TUSC3: variants seen among roughly 807,000 people sequenced by gnomAD.
The protein encoded by TUSC3 is tumor suppressor candidate 3, also known as dolichyl-diphosphooligosaccharide--protein glycosyltransferase subunit TUSC3.
In TUSC3, 45 loss-of-function variants were observed where a neutral mutation model predicts 44.8. The observed-to-expected ratio is 1.00, with a 90% confidence interval of 0.79 to 1.29. TUSC3 has a LOEUF of 1.29. Ranked by LOEUF, TUSC3 falls within the 50% of genes most tolerant of loss-of-function variation. The pLI is 0.00. For synonymous variants in TUSC3, 212 were observed against 152.9 expected (o/e 1.39, Z -2.85); for missense variants, 519 against 437.9 (o/e 1.19, Z -1.65).
rs1333478144 is a variant in TUSC3 at position 15,682,823 on chromosome 8, T to C, written c.798+8987T>C. ...TGTCTAGAACTTTCTTTTTTTTTTTTTGTAGCTGTTGTAAGGCCAGTCTTG... is the reference window on the plus strand; with the variant it reads ...TGTCTAGAACTTTCTTTTTTTTTTTCTGTAGCTGTTGTAAGGCCAGTCTTG... On this transcript the variant is annotated intron_variant, in intron 6 of 10. Transcript: ENST00000503731. Among the ~76,000 whole-genome samples the C allele has an allele frequency of 7.9e-5, 12 of 152,054 alleles. No individual in the cohort carries two copies. The East Asian group carries it at 1.4e-3, about 17-fold the overall frequency.
chr8:15,682,507 T>G (rs1112883), intron 6 of TUSC3, among the ~76,000 whole-genome samples: 9,407 of 152,206 alleles, frequency 0.062, 483 homozygotes, highest in African/African-American at 0.15. Context: ...GTTTTTCATT[T>G]GAGTGTTAGA....
rs532624873 is a variant in TUSC3 at position 15,624,345 on chromosome 8, G to A, written c.308+1096G>A. On this transcript the variant is annotated intron_variant, in intron 2 of 10. Coordinates refer to ENST00000503731, the MANE Select transcript of TUSC3 (RefSeq NM_006765.4). ...TGGGAAGAATGCCACAGAGTGTGGTGGTTAGGTTGTGTGGTAGTTTCTATT... is the reference window on the plus strand; with the variant it reads ...TGGGAAGAATGCCACAGAGTGTGGTAGTTAGGTTGTGTGGTAGTTTCTATT... Among the ~76,000 whole-genome samples the A allele has an allele frequency of 3.9e-4, 60 of 152,256 alleles. No individual in the cohort carries two copies. The Middle Eastern group carries it at 0.01, about 26-fold the overall frequency.
At chr8:15,639,019 C>T (rs1358338858) in intron 2 of TUSC3, among the ~76,000 whole-genome samples, 25 of 112,410 alleles carry the variant, frequency 2.2e-4, no homozygotes, top group African/African-American at 3.7e-4. Flanking sequence ...GATCATGTGT[C>T]GATGCTAGAT....
chr8:15,573,202 C>CTCTCTATATATATATATATA (rs1435847916), intron 1 of TUSC3, among the ~76,000 whole-genome samples: 1 of 74,204 alleles, frequency 1.3e-5, no homozygotes, highest in Non-Finnish European at 2.4e-5. Context: ...CTCTCTCTCT[C>CTCTCTATATATATATATATA]TATATATATA....
chr8:15,667,874 A>C (rs984900406), intron 5 of TUSC3, among the ~76,000 whole-genome samples: 1 of 151,802 alleles, frequency 6.6e-6, no homozygotes, highest in Non-Finnish European at 1.5e-5. Context: ...AGTGGGCGTG[A>C]ACATCTTGAC....
At chr8:15,742,155 G>A (rs992115586) in intron 7 of TUSC3, among the ~76,000 whole-genome samples, 3 of 152,114 alleles carry the variant, frequency 2.0e-5, no homozygotes, top group Admixed American at 1.3e-4. Flanking sequence ...GAATTTCATA[G>A]AAATTTCAGT....
At chr8:15,529,947 G>GCCAC (rs528852746) in intron 2 of TUSC3, among the ~76,000 whole-genome samples, 1 of 25,618 alleles carries the variant, frequency 3.9e-5, no homozygotes, top group African/African-American at 1.0e-4. Flanking sequence ...ACAGGCGCCC[G>GCCAC]GCTAATTTTT....
intron 2 of TUSC3, among the ~76,000 whole-genome samples, chr8:15,520,997 CA>C (rs1801289918): frequency 6.6e-6 from 1 of 152,096 alleles, no homozygotes; most frequent in Admixed American, 6.5e-5. Flanking sequence ...GGGACTGTAC[CA>C]CTCCCTCCCC....
At chr8:15,778,090 A>T in the TUSC3 span, among the ~76,000 whole-genome samples, 1 of 130,462 alleles carries the variant, frequency 7.7e-6, no homozygotes, top group South Asian at 2.5e-4. Context: ...CAGAGCCCAC[A>T]CTTTAAGGCA....
At chr8:15,504,621 A>ATATT (rs1345504233) in intron 2 of TUSC3, among the ~76,000 whole-genome samples, 2 of 20,292 alleles carry the variant, frequency 9.9e-5, no homozygotes, top group Non-Finnish European at 8.1e-5. Context: ...ATATATATAT[A>ATATT]TTTTTTTTTT....
intron 1 of TUSC3, among the ~76,000 whole-genome samples, chr8:15,441,900 T>G (rs116928301): frequency 0.025 from 3,778 of 152,272 alleles, 64 homozygotes; most frequent in Middle Eastern, 0.051. Context: ...TGAATGGATC[T>G]TGTATTCATT....
At chr8:15,419,610 A>C (rs1457800212) in intron 1 of TUSC3, among the ~76,000 whole-genome samples, 1 of 152,236 alleles carries the variant, frequency 6.6e-6, no homozygotes, top group Admixed American at 6.5e-5. Context: ...CTAAGCAAGC[A>C]GTGAATTCAA....
At chr8:15,431,219 A>T (rs1267993406) in intron 1 of TUSC3, among the ~76,000 whole-genome samples, 1 of 151,384 alleles carries the variant, frequency 6.6e-6, no homozygotes, top group Non-Finnish European at 1.5e-5. Flanking sequence ...TTCTTTTTTT[A>T]ATCACATTTT....
intron 1 of TUSC3, among the ~76,000 whole-genome samples, chr8:15,471,031 C>T (rs757468768): frequency 2.0e-5 from 3 of 152,096 alleles, no homozygotes; most frequent in Admixed American, 2.0e-4. Context: ...CATAAAAATG[C>T]AAGACAATAA....
the TUSC3 span, among the ~76,000 whole-genome samples, chr8:15,771,980 C>G: frequency 6.6e-6 from 1 of 151,744 alleles, no homozygotes; most frequent in Non-Finnish European, 1.5e-5. Context: ...TCCCAGCTAC[C>G]TGGGAGGCTG....
rs148154631 is a variant in TUSC3 at position 15,669,289 on chromosome 8, T to G, written c.709-4458T>G. On this transcript the variant is annotated intron_variant, in intron 5 of 10. Transcript: ENST00000503731. ...ATTGAATCCAACATTGCTAAAACTTTCATTCCATGATGACTAACTCTTCTA... is the reference window on the plus strand; with the variant it reads ...ATTGAATCCAACATTGCTAAAACTTGCATTCCATGATGACTAACTCTTCTA... 8.6e-5 allele frequency among the ~76,000 whole-genome samples: 13 copies of G among 151,958 alleles called. No individual in the cohort carries two copies. In the East Asian group the frequency reaches 2.1e-3, roughly 25 times the overall value.
intron 6 of TUSC3, among the ~76,000 whole-genome samples, chr8:15,726,017 C>G (rs1810482220): frequency 6.6e-6 from 1 of 152,092 alleles, no homozygotes; most frequent in Admixed American, 6.5e-5. Flanking sequence ...TTTCAAGTAA[C>G]CTTTTGGTCC....
the TUSC3 span, among the ~76,000 whole-genome samples, chr8:15,816,903 T>C: frequency 6.6e-6 from 1 of 152,196 alleles, no homozygotes; most frequent in Non-Finnish European, 1.5e-5. Context: ...ATGTTTCTCA[T>C]GAAAGAGAAA....
chr8:15,544,321 G>C (rs1004750011), intron 1 of TUSC3, among the ~76,000 whole-genome samples: 4 of 147,040 alleles, frequency 2.7e-5, no homozygotes, highest in Non-Finnish European at 3.1e-5. Flanking sequence ...GACCTCTTCT[G>C]ATAATGTGAA....
Sources: gnomAD v4.1 joint callset for allele counts (sites outside exome capture counted in the v4.1 genomes callset) on GRCh38, gnomAD v4.1.1 for gene constraint, MANE v1.5 for transcripts, NCBI Gene and HGNC (gene_info 2026-07-23, HGNC 2026-07-21) for gene names.